Variants in ZNF804B observed in about 807,000 individuals in gnomAD.
The protein encoded by ZNF804B is zinc finger protein 804B, also known as zinc finger 804B.
In ZNF804B, 80 loss-of-function variants were observed where a neutral mutation model predicts 101.4. The observed-to-expected ratio is 0.79, with a 90% CI of 0.66 to 0.95. The LOEUF is 0.95. Ranked by LOEUF, ZNF804B falls within the 40% of genes least tolerant of loss-of-function variation. ZNF804B has a pLI of 0.00. For synonymous variants in ZNF804B, 622 were observed against 558.8 expected (o/e 1.11, Z -1.59); for missense variants, 1,673 against 1,561.9 (o/e 1.07, Z -1.20).
At chr7:89,267,795 C>T (rs1282431738) in intron 2 of ZNF804B, among the ~76,000 whole-genome samples, 3 of 152,018 alleles carry the variant, frequency 2.0e-5, no homozygotes, top group Non-Finnish European at 2.9e-5. Context: ...ATATTTGTTT[C>T]TTAACATAGA....
At chr7:89,064,110 A>C (rs1789416913) in intron 1 of ZNF804B, among the ~76,000 whole-genome samples, 2 of 152,106 alleles carry the variant, frequency 1.3e-5, no homozygotes, top group South Asian at 4.1e-4. Flanking sequence ...GGAGAGGTCA[A>C]GATGCACTGC....
chr7:89,216,552 T>A (rs886194121), intron 1 of ZNF804B, among the ~76,000 whole-genome samples: 4 of 152,206 alleles, frequency 2.6e-5, no homozygotes, highest in African/African-American at 9.6e-5. Flanking sequence ...CCTCCATTAT[T>A]CTAGAATGTA....
chr7:88,770,939 C>T (rs980062474), intron 1 of ZNF804B, among the ~76,000 whole-genome samples: 5 of 152,100 alleles, frequency 3.3e-5, no homozygotes, highest in African/African-American at 4.8e-5. Flanking sequence ...TTATGCAATT[C>T]GAAATGCTTT....
intron 1 of ZNF804B, among the ~76,000 whole-genome samples, chr7:88,899,196 A>G (rs966107222): frequency 1.3e-5 from 2 of 152,224 alleles, no homozygotes; most frequent in Non-Finnish European, 2.9e-5. Flanking sequence ...CGCATTCTTT[A>G]TATATGATAT....
At chr7:88,915,391 C>G (rs967140437) in intron 1 of ZNF804B, among the ~76,000 whole-genome samples, 7 of 151,906 alleles carry the variant, frequency 4.6e-5, no homozygotes, top group Non-Finnish European at 1.0e-4. Flanking sequence ...AATGCTCTCA[C>G]AAAATATTAC....
chr7:89,261,427 TC>T (rs965067280), intron 2 of ZNF804B, among the ~76,000 whole-genome samples: 2 of 152,156 alleles, frequency 1.3e-5, no homozygotes, highest in Non-Finnish European at 2.9e-5. Flanking sequence ...GTCCAAAGTC[TC>T]CCCAAATGTT....
intron 1 of ZNF804B, among the ~76,000 whole-genome samples, chr7:89,068,041 G>T (rs973971898): frequency 1.1e-4 from 16 of 150,160 alleles, no homozygotes; most frequent in Admixed American, 7.4e-4. Flanking sequence ...GATAATCCAT[G>T]CAAAATGCTT....
chr7:88,889,951 A>G (rs761124511), intron 1 of ZNF804B, among the ~76,000 whole-genome samples: 1 of 152,086 alleles, frequency 6.6e-6, no homozygotes, highest in Non-Finnish European at 1.5e-5. Flanking sequence ...TAATTTTTGT[A>G]TATTGTGAGA....
At chr7:89,088,327 C>T (rs1037458430) in intron 1 of ZNF804B, among the ~76,000 whole-genome samples, 1 of 151,734 alleles carries the variant, frequency 6.6e-6, no homozygotes, top group African/African-American at 2.4e-5. Context: ...ACCTAGAAAA[C>T]AAAGGCAAGG....
chr7:88,808,943 A>G (rs890518794), intron 1 of ZNF804B, among the ~76,000 whole-genome samples: 3 of 152,220 alleles, frequency 2.0e-5, no homozygotes, highest in African/African-American at 7.2e-5. Context: ...TCCCAGATCA[A>G]TATAGATCTT....
At position 89,152,178 on chromosome 7, in the gene ZNF804B, GA is replaced by G. The variant is rs1790887656; in HGVS notation, c.109-65976del. On this transcript the variant is annotated intron_variant, in intron 1 of 3. Transcript: ENST00000333190. ...GAATTTTTCCATCTATTTTAAGTGA[GA>G]TAAGAGAGCTAAGTTTTAAAAATAT... Among the ~76,000 whole-genome samples, 3 of 151,750 alleles carry G rather than the reference GA, an allele frequency of 2.0e-5. No homozygotes were observed. In the South Asian group the frequency reaches 6.2e-4, roughly 31 times the overall value.
chr7:89,054,498 A>C (rs1789260512), intron 1 of ZNF804B, among the ~76,000 whole-genome samples: 1 of 152,042 alleles, frequency 6.6e-6, no homozygotes, highest in East Asian at 1.9e-4. Flanking sequence ...TTAGCATTTC[A>C]GAGAGATGCT....
chr7:89,139,494 A>G (rs910910127), intron 1 of ZNF804B, among the ~76,000 whole-genome samples: 1 of 152,134 alleles, frequency 6.6e-6, no homozygotes, highest in African/African-American at 2.4e-5. Flanking sequence ...TAAAAATGGA[A>G]TCAACCCTTT....
At chr7:89,146,965 G>T (rs11973749) in intron 1 of ZNF804B, among the ~76,000 whole-genome samples, 2 of 151,074 alleles carry the variant, frequency 1.3e-5, no homozygotes, top group Non-Finnish European at 3.0e-5. Flanking sequence ...GGGAAGTGCG[G>T]GTTGCATGAG....
intron 2 of ZNF804B, among the ~76,000 whole-genome samples, chr7:89,242,447 T>C (rs978771975): frequency 6.6e-6 from 1 of 151,922 alleles, no homozygotes; most frequent in Admixed American, 6.6e-5. Context: ...TATGTATTAT[T>C]CCACTGCCTC....
chr7:88,763,981 G>A (rs2698208), intron 1 of ZNF804B, among the ~76,000 whole-genome samples: 57,704 of 151,880 alleles, frequency 0.38, 13,647 homozygotes, highest in African/African-American at 0.68. Flanking sequence ...AACTTAATCA[G>A]TAATTAAGCT....
intron 1 of ZNF804B, among the ~76,000 whole-genome samples, chr7:89,066,436 A>C (rs566071085): frequency 1.3e-5 from 2 of 152,208 alleles, no homozygotes; most frequent in African/African-American, 4.8e-5. Context: ...ATCAGTGTTC[A>C]AAATACCTGG....
intron 2 of ZNF804B, among the ~76,000 whole-genome samples, chr7:89,307,726 C>G (rs1420723948): frequency 1.3e-5 from 2 of 151,938 alleles, no homozygotes; most frequent in African/African-American, 4.8e-5. Context: ...ACATGAGGCA[C>G]TAATTATTGA....
chr7:88,865,003 T>G (rs1219756990), intron 1 of ZNF804B, among the ~76,000 whole-genome samples: 1 of 150,222 alleles, frequency 6.7e-6, no homozygotes, highest in East Asian at 2.0e-4. Flanking sequence ...CCAAGGCAGG[T>G]GGATCACCTG....
Sources: gnomAD v4.1 joint callset for allele counts (sites outside exome capture counted in the v4.1 genomes callset) on GRCh38, gnomAD v4.1.1 for gene constraint, MANE v1.5 for transcripts, NCBI Gene and HGNC (gene_info 2026-07-23, HGNC 2026-07-21) for gene names.